The following SCAP variants were observed in gnomAD, a reference collection of about 807,000 sequenced individuals.
SCAP encodes the protein SREBF chaperone.
In SCAP, 65 loss-of-function variants were observed where a neutral mutation model predicts 123.6. The observed-to-expected ratio is 0.53, with a 90% confidence interval of 0.43 to 0.65. SCAP has a LOEUF of 0.65. Among genes scored for constraint, SCAP ranks in the 30% least tolerant of loss-of-function variants. The probability of loss-of-function intolerance (pLI) is 0.00; values close to 1 mark genes in which losing one functional copy is unlikely to be tolerated. For synonymous variants in SCAP, 740 were observed against 726.3 expected, an observed-to-expected ratio of 1.02 and a Z score of -0.30; for missense variants, 1,398 against 1,712.5, an observed-to-expected ratio of 0.82 and a Z score of 3.24.
Position 47,417,163 on chromosome 3 carries a change from C to T in SCAP, c.3015G>A (p.Glu1005=), listed in dbSNP as rs775423834. The T allele has an allele frequency of 1.3e-5, 21 of 1,612,946 alleles. No individual in the cohort carries two copies. The East Asian group carries it at 4.2e-4, about 33-fold the overall frequency. The change falls in exon 18 of 23, where the codon GAG becomes GAA. Residue 1005 remains glutamate, a synonymous_variant. Transcript: ENST00000265565. The part of the protein sequence containing the change: ...IEGVLCCSSE[E]VSSGITALVF... ...CCAGAGCGGTAATGCCTGAGGAGAC[C>T]TCCTCGCTGCTGCAGCACAGCACCC...
At chr3:47,447,843 T>C (rs2107939815) in intron 1 of SCAP, among the ~76,000 whole-genome samples, 1 of 150,638 alleles carries the variant, frequency 6.6e-6, no homozygotes, top group African/African-American at 2.4e-5. Flanking sequence ...CCCGTCTCTA[T>C]GAAAAATACA....
In SCAP at chr3:47,414,571, C is replaced by T; in HGVS notation, c.3387+1G>A. ...CCCTACCCCACCTGCAGGCCGCTTA[C>T]CTGGTCAATGTACACGGTCGTGATG... On this transcript the variant is annotated splice_donor_variant, in intron 21 of 22. Transcript: ENST00000265565. LOFTEE classifies it high-confidence loss of function. 6.2e-7 allele frequency: 1 copy of T among 1,613,410 alleles called. No individual in the cohort carries two copies. Among genetic ancestry groups the T allele is most frequent in the Non-Finnish European group, 8.5e-7 (1 of 1,179,986 alleles).
chr3:47,430,141 A>G (rs1345547638), intron 3 of SCAP, among the ~76,000 whole-genome samples: 1 of 152,170 alleles, frequency 6.6e-6, no homozygotes, highest in African/African-American at 2.4e-5. Context: ...ACAATGAACA[A>G]TCAGGCATTT....
chr3:47,437,422 C>CAAAAA (rs35011639), intron 2 of SCAP, among the ~76,000 whole-genome samples: 2 of 63,194 alleles, frequency 3.2e-5, no homozygotes, highest in East Asian at 5.0e-4. Context: ...AACTCAATCT[C>CAAAAA]AAAAAAAAAA....
At chr3:47,447,912 G>A (rs1172136485) in intron 1 of SCAP, among the ~76,000 whole-genome samples, 1 of 145,156 alleles carries the variant, frequency 6.9e-6, no homozygotes, top group African/African-American at 2.6e-5. Context: ...GGCTGAGGCA[G>A]GAGAATCGCT....
rs1265175073 is a variant in SCAP, at chr3:47,414,110, G to C, written c.3595-11C>G. ...ACCACAGCCCAGGTCCTGGAGGCAA[G>C]GACATGACAAGCTCAGTCCTGAGTC... On this transcript the variant is annotated splice_polypyrimidine_tract_variant and intron_variant, in intron 22 of 22. Coordinates refer to ENST00000265565, the MANE Select transcript of SCAP (RefSeq NM_012235.4). 6.2e-7 allele frequency: 1 copy of C among 1,613,454 alleles called. No homozygotes were observed. Among genetic ancestry groups the C allele is most frequent in the South Asian group, 1.1e-5 (1 of 91,086 alleles).
rs1253626875 is a variant in SCAP, at chr3:47,414,189, G to A, written c.3585C>T (p.Ser1195=). ...WDRSTGIKFY[S]IQQDLGCGAS... The stretch of plus-strand genomic sequence containing the variant: ...TCCCCATCCCCTCTACCTGCTGAAT[G>A]GAGTAGAACTTGATGCCTGTGCTGC... The change falls in exon 22 of 23, where the codon TCC becomes TCT. Residue 1195 remains serine, a synonymous_variant. Transcript: ENST00000265565. 1.9e-6 allele frequency: 3 copies of A among 1,613,728 alleles called. No homozygotes were observed. The highest frequency in any genetic ancestry group is 2.2e-5 in the East Asian group (1 of 44,876).
chr3:47,435,162 G>A (rs753470952), intron 2 of SCAP, 25 bp from the exon 3 acceptor site: 1 of 1,602,262 alleles, frequency 6.2e-7, no homozygotes, highest in East Asian at 2.2e-5. Flanking sequence ...AAGGAGATAA[G>A]AATTAGACAC....
Position 47,420,843 on chromosome 3 carries a change from C to T in SCAP, c.1345-71G>A. ...CTGCTCGCACAGGACCGCTGTCCTG[C>T]CCGAGGTCTACACCCTTCTCACCCA... On this transcript the variant is annotated intron_variant, in intron 11 of 22. Coordinates refer to ENST00000265565, the MANE Select transcript of SCAP (RefSeq NM_012235.4). The surrounding 1 kb of genome is among the most constrained non-coding windows in gnomAD (Gnocchi z 5.0). 1 of 1,478,838 alleles carries T rather than the reference C, an allele frequency of 6.8e-7. No homozygotes were observed. Among genetic ancestry groups the T allele is most frequent in the South Asian group, 1.3e-5 (1 of 75,158 alleles). 91.6% of individuals were successfully genotyped at this position (1,478,838 alleles called of 1,614,324 possible). A position where few individuals can be genotyped will look rare whatever the true frequency, so the allele number is the denominator to read the frequency against.
At chr3:47,464,049 T>C (rs1707740069) in intron 1 of SCAP, among the ~76,000 whole-genome samples, 1 of 152,144 alleles carries the variant, frequency 6.6e-6, no homozygotes, top group South Asian at 2.1e-4. Context: ...AGAGTCTCGC[T>C]CTGTCACCCA....
At chr3:47,423,081 T>C (rs931333928) in intron 9 of SCAP, among the ~76,000 whole-genome samples, 1 of 152,194 alleles carries the variant, frequency 6.6e-6, no homozygotes, top group African/African-American at 2.4e-5. Context: ...CATCTCTTCC[T>C]AACTCCATAT....
Position 47,414,016 on chromosome 3 carries a change from GT to G in SCAP, c.3677del (p.Asp1226AlafsTer2). On this transcript the variant is annotated frameshift_variant, in exon 23 of 23. Transcript: ENST00000265565. LOFTEE classifies it high-confidence loss of function. Reference protein sequence around the residue: ...TGGQGCVSFWDLNYGDLLQTV... With the variant: ...TGGQGCVSFWXLNYGDLLQTV... ...TCTGTAACAGGTCCCCGTAGTTTAG[GT>G]CCCAAAAGGAGACACAGCCCTGGCC... The G allele has an allele frequency of 6.2e-7, 1 of 1,613,306 alleles. No homozygotes were observed. The highest frequency in any genetic ancestry group is 8.5e-7 in the Non-Finnish European group (1 of 1,180,028).
intron 2 of SCAP, among the ~76,000 whole-genome samples, chr3:47,442,185 G>A (rs139623859): frequency 6.6e-6 from 1 of 152,242 alleles, no homozygotes; most frequent in Non-Finnish European, 1.5e-5. Flanking sequence ...AATAAGATGG[G>A]CTCTTTTCAC....
intron 3 of SCAP, 189 bp downstream of exon 3, chr3:47,434,819 A>T: frequency 1.6e-6 from 1 of 610,236 alleles, no homozygotes; most frequent in South Asian, 2.2e-5. Flanking sequence ...CCTGGACAAC[A>T]GGAGCAAAAC....
chr3:47,424,407 C>T (rs1706033387), intron 8 of SCAP, among the ~76,000 whole-genome samples: 1 of 152,198 alleles, frequency 6.6e-6, no homozygotes, highest in Admixed American at 6.5e-5. Context: ...TGACTGCTGC[C>T]AAGACCCACA....
intron 3 of SCAP, among the ~76,000 whole-genome samples, chr3:47,429,268 G>C (rs540441420): frequency 2.6e-5 from 4 of 152,262 alleles, no homozygotes; most frequent in African/African-American, 9.6e-5. Flanking sequence ...TGGGCAGCGA[G>C]CCTCTTTTGC....
At chr3:47,425,878 G>A (rs1706105716) in intron 7 of SCAP, 119 bp downstream of exon 7, 6 of 1,170,626 alleles carry the variant, frequency 5.1e-6, no homozygotes, top group Non-Finnish European at 7.2e-6. Flanking sequence ...TAGCTCTGAT[G>A]ACCACCAGGT....
intron 2 of SCAP, among the ~76,000 whole-genome samples, chr3:47,441,975 GA>G (rs1706825943): frequency 6.7e-6 from 1 of 148,270 alleles, no homozygotes; most frequent in African/African-American, 2.5e-5. Context: ...CCCAGTGTTG[GA>G]ATTACAGGTA....
chr3:47,457,922 A>C (rs949980617), intron 1 of SCAP, among the ~76,000 whole-genome samples: 17 of 152,076 alleles, frequency 1.1e-4, no homozygotes, highest in Admixed American at 1.1e-3. Flanking sequence ...AAATAAATAA[A>C]AAGAAAATTG....
Sources: allele counts gnomAD v4.1 joint callset (sites outside exome capture counted in the v4.1 genomes callset), GRCh38; gene constraint gnomAD v4.1.1; non-coding constraint Gnocchi (gnomAD v3.1); transcripts MANE v1.5; gene names NCBI Gene and HGNC (gene_info 2026-07-23, HGNC 2026-07-21).